Variants in TNR observed in about 807,000 individuals in gnomAD.
TNR encodes tenascin-R.
A neutral mutation model predicts 150.4 loss-of-function variants in TNR; 45 were observed. That is an observed-to-expected ratio of 0.30 (90% CI 0.24 to 0.38). The LOEUF (loss-of-function observed/expected upper bound fraction) is 0.38, where lower values mean the gene tolerates loss of function less well. Ranked by LOEUF, TNR falls within the 10% of genes least tolerant of loss-of-function variation. The pLI is 1.00. For synonymous variants in TNR, 687 were observed against 678.4 expected (o/e 1.01, Z -0.20); for missense variants, 1,544 against 1,759.1 (o/e 0.88, Z 2.19).
At chr1:175,529,226 G>C (rs1031257717) in intron 1 of TNR, among the ~76,000 whole-genome samples, 1 of 152,216 alleles carries the variant, frequency 6.6e-6, no homozygotes, top group African/African-American at 2.4e-5. Flanking sequence ...CTGAGCCCCA[G>C]GGATATCATT....
At chr1:175,334,328 A>G (rs1650113565) in intron 20 of TNR, among the ~76,000 whole-genome samples, 1 of 152,220 alleles carries the variant, frequency 6.6e-6, no homozygotes, top group Admixed American at 6.5e-5. Context: ...GGATGATAAT[A>G]GTCCTCCCTG....
At chr1:175,515,035 G>A (rs1286070582) in intron 2 of TNR, among the ~76,000 whole-genome samples, 2 of 152,136 alleles carry the variant, frequency 1.3e-5, no homozygotes, top group Non-Finnish European at 2.9e-5. Context: ...ACTCGTTCCG[G>A]GCCAAGTCTT....
intron 2 of TNR, among the ~76,000 whole-genome samples, chr1:175,491,495 T>C (rs754055106): frequency 2.6e-5 from 4 of 152,130 alleles, no homozygotes; most frequent in South Asian, 4.1e-4. Flanking sequence ...GGCTGAACTA[T>C]GATGATTTAG....
At chr1:175,334,578 A>T (rs980619867) in intron 20 of TNR, among the ~76,000 whole-genome samples, 1 of 152,202 alleles carries the variant, frequency 6.6e-6, no homozygotes, top group African/African-American at 2.4e-5. Flanking sequence ...CATTCAGGCA[A>T]CGAAGTGACC....
At chr1:175,684,112 C>T (rs193015946) in intron 1 of TNR, among the ~76,000 whole-genome samples, 4 of 152,336 alleles carry the variant, frequency 2.6e-5, no homozygotes, top group African/African-American at 9.6e-5. Context: ...TGGGTGTGTG[C>T]ATCAGACTGA....
At chr1:175,725,290 C>T in intron 1 of TNR, among the ~76,000 whole-genome samples, 1 of 152,258 alleles carries the variant, frequency 6.6e-6, no homozygotes, top group Non-Finnish European at 1.5e-5. Flanking sequence ...CTAGAATATC[C>T]AACATGTGCT....
intron 1 of TNR, among the ~76,000 whole-genome samples, chr1:175,726,422 A>C (rs1265031911): frequency 6.6e-6 from 1 of 152,238 alleles, no homozygotes; most frequent in Non-Finnish European, 1.5e-5. Flanking sequence ...TCTGCAGTTT[A>C]GGCCTGAACC....
chr1:175,482,407 T>C (rs1657849875), intron 2 of TNR, among the ~76,000 whole-genome samples: 1 of 152,220 alleles, frequency 6.6e-6, no homozygotes, highest in Admixed American at 6.5e-5. Flanking sequence ...GTTAATTTTA[T>C]CCATGTTAGT....
chr1:175,470,390 G>A (rs956091167), intron 2 of TNR, among the ~76,000 whole-genome samples: 2 of 152,136 alleles, frequency 1.3e-5, no homozygotes, highest in African/African-American at 4.8e-5. Context: ...GGGAGAGGTC[G>A]AAAGAGAATC....
At chr1:175,604,369 A>G (rs1483178387) in intron 1 of TNR, among the ~76,000 whole-genome samples, 2 of 152,196 alleles carry the variant, frequency 1.3e-5, no homozygotes, top group Non-Finnish European at 2.9e-5. Context: ...CCATGAAGTA[A>G]GTTACATCAA....
chr1:175,503,904 A>G (rs1658843622), intron 2 of TNR, among the ~76,000 whole-genome samples: 1 of 152,108 alleles, frequency 6.6e-6, no homozygotes, highest in Admixed American at 6.5e-5. Flanking sequence ...GCCAGGCCAA[A>G]TTGTGCCCGC....
chr1:175,730,420 C>T (rs535573310), intron 1 of TNR, among the ~76,000 whole-genome samples: 18 of 152,300 alleles, frequency 1.2e-4, no homozygotes, highest in South Asian at 4.1e-4. Context: ...CTTTGTGACT[C>T]CCCCTCTACT....
At chr1:175,710,194 G>C (rs1263155498) in intron 1 of TNR, among the ~76,000 whole-genome samples, 1 of 152,146 alleles carries the variant, frequency 6.6e-6, no homozygotes, top group Admixed American at 6.5e-5. Context: ...CTAGGAAAGA[G>C]AGGATGGCTG....
At chr1:175,590,132 T>C (rs1023282412) in intron 1 of TNR, among the ~76,000 whole-genome samples, 9 of 152,202 alleles carry the variant, frequency 5.9e-5, no homozygotes, top group African/African-American at 9.6e-5. Context: ...TATTGTATTA[T>C]ACACTGAAAG....
chr1:175,588,908 C>A (rs952319230), intron 1 of TNR, among the ~76,000 whole-genome samples: 1 of 152,118 alleles, frequency 6.6e-6, no homozygotes, highest in African/African-American at 2.4e-5. Context: ...CAAGAGTAGA[C>A]CCAGTATGGC....
intron 19 of TNR, 115 bp downstream of exon 19, chr1:175,337,413 G>A (rs1275196650): frequency 8.8e-6 from 11 of 1,247,558 alleles, no homozygotes; most frequent in East Asian, 2.3e-5. Context: ...TGGACATGTG[G>A]GGGGTGATAA....
At chr1:175,675,210 C>T (rs1287916975) in intron 1 of TNR, among the ~76,000 whole-genome samples, 1 of 152,224 alleles carries the variant, frequency 6.6e-6, no homozygotes, top group East Asian at 1.9e-4. Context: ...CTTGTCGCCG[C>T]TGGCTTGTTA....
intron 1 of TNR, among the ~76,000 whole-genome samples, chr1:175,732,680 A>G (rs1326365672): frequency 6.6e-6 from 1 of 152,204 alleles, no homozygotes; most frequent in East Asian, 1.9e-4. Flanking sequence ...TGATGCTCAG[A>G]GACAGCATAG....
At chr1:175,331,286 C>T (rs149122105) in intron 20 of TNR, among the ~76,000 whole-genome samples, 22 of 131,632 alleles carry the variant, frequency 1.7e-4, no homozygotes, top group African/African-American at 4.2e-4. Flanking sequence ...TTTCCTTCGA[C>T]GGAATCTCTC....
Sources: allele counts gnomAD v4.1 joint callset (sites outside exome capture counted in the v4.1 genomes callset), GRCh38; gene constraint gnomAD v4.1.1; transcripts MANE v1.5; gene names NCBI Gene and HGNC (gene_info 2026-07-23, HGNC 2026-07-21).